The following ATXN3 variants were observed in gnomAD, a reference collection of about 807,000 sequenced individuals.
ATXN3 encodes ataxin-3.
A neutral mutation model predicts 58.2 loss-of-function variants in ATXN3; 28 were observed. The observed-to-expected ratio is 0.48, with a 90% CI of 0.36 to 0.66. ATXN3 has a LOEUF of 0.66. Ranked by LOEUF, ATXN3 falls within the 30% of genes least tolerant of loss-of-function variation. The pLI is 0.00. For synonymous variants in ATXN3, 113 were observed against 138.5 expected (o/e 0.82, Z 1.29); for missense variants, 321 against 422.1 (o/e 0.76, Z 2.10).
At chr14:92,093,900 G>A in intron 3 of ATXN3, 69 bp from the exon 4 acceptor site, 1 of 881,416 alleles carries the variant, frequency 1.1e-6, no homozygotes, top group South Asian at 1.4e-5. Flanking sequence ...GTGTAGCTAT[G>A]TTAGTTGTGT....
chr14:92,087,634 G>C (rs952833731), intron 6 of ATXN3, among the ~76,000 whole-genome samples: 1 of 152,172 alleles, frequency 6.6e-6, no homozygotes, highest in African/African-American at 2.4e-5. Flanking sequence ...GGAGAGAGGG[G>C]AAACACGTTG....
chr14:92,087,240 A>G (rs4410011), intron 6 of ATXN3, among the ~76,000 whole-genome samples: 43,002 of 152,072 alleles, frequency 0.28, 6,430 homozygotes, highest in East Asian at 0.44. Context: ...CATAGTAGAA[A>G]TATCAGACAG....
chr14:92,078,028 G>A (rs140916143), intron 9 of ATXN3, among the ~76,000 whole-genome samples: 2,995 of 148,000 alleles, frequency 0.02, 111 homozygotes, highest in African/African-American at 0.073. Flanking sequence ...AGGCTGGAGT[G>A]CAGTGGGGTG....
Position 92,094,187 on chromosome 14 carries a change from G to A in ATXN3, c.235-356C>T, listed in dbSNP as rs56177134. On this transcript the variant is annotated intron_variant, in intron 3 of 10. Coordinates refer to ENST00000644486, the MANE Select transcript of ATXN3 (RefSeq NM_004993.6). The stretch of plus-strand genomic sequence containing the variant: ...AATCTCCTGACCTTGTGATCCACCC[G>A]CCTGGGCCTCCCAAAGTACTGGGAT... Among the ~76,000 whole-genome samples, 615 of 152,040 alleles carry A rather than the reference G, an allele frequency of 4.0e-3. 6 individuals carry two copies. Among genetic ancestry groups the A allele is most frequent in the African/African-American group, 0.014 (569 of 41,478 alleles).
chr14:92,094,821 C>G (rs555646947), intron 3 of ATXN3, among the ~76,000 whole-genome samples: 6 of 152,292 alleles, frequency 3.9e-5, no homozygotes, highest in Admixed American at 2.0e-4. Context: ...TGGGCCTACT[C>G]TGGCCTCTGA....
At chr14:92,065,553 G>A (rs188811677) in intron 10 of ATXN3, among the ~76,000 whole-genome samples, 141 of 137,564 alleles carry the variant, frequency 1.0e-3, no homozygotes, top group African/African-American at 3.7e-3. Flanking sequence ...GGGCAATTGC[G>A]TCAGTGGAAC....
chr14:92,099,397 G>A (rs951126519), intron 1 of ATXN3, among the ~76,000 whole-genome samples: 3 of 152,196 alleles, frequency 2.0e-5, no homozygotes, highest in African/African-American at 4.8e-5. Context: ...TCAACTTTTC[G>A]TAAGGAATAA....
upstream of ATXN3, among the ~76,000 whole-genome samples, chr14:92,052,797 T>C (rs1388385789): frequency 6.6e-6 from 1 of 152,174 alleles, no homozygotes; most frequent in Admixed American, 6.5e-5. Context: ...AGCTTGCCTG[T>C]TCTGTTTTGG....
At chr14:92,082,649 CTT>C (rs34366039) in intron 7 of ATXN3, among the ~76,000 whole-genome samples, 183 bp from the exon 8 acceptor site, 45 of 132,850 alleles carry the variant, frequency 3.4e-4, no homozygotes, top group South Asian at 4.7e-4. Context: ...TTTTCCGTTT[CTT>C]TTTTTTTTTT....
rs1241460334 is a variant in ATXN3 at position 92,060,249 on chromosome 14, C to CACAT, written c.*4070_*4071insATGT. On this transcript the variant is annotated 3_prime_UTR_variant, in exon 11 of 11. Transcript: ENST00000644486. ...ATATATATACATATATATATACACACATATATATATATATATATATATTTT... is the reference window on the plus strand; with the variant it reads ...ATATATATACATATATATATACACACACATATATATATATATATATATATATTTT... The CACAT allele has an allele frequency of 2.5e-4, 34 of 134,556 alleles. 1 individual carries two copies. Among genetic ancestry groups the CACAT allele is most frequent in the African/African-American group, 7.8e-4 (27 of 34,726 alleles). 8.3% of individuals were successfully genotyped at this position (134,556 alleles called of 1,614,324 possible).
chr14:92,106,456 G>A, intron 1 of ATXN3, 73 bp downstream of exon 1: 3 of 1,597,972 alleles, frequency 1.9e-6, no homozygotes, highest in South Asian at 2.2e-5. Context: ...CCAGCCCTCC[G>A]AGAGGCGGTG....
At chr14:92,093,216 T>TA in intron 5 of ATXN3, 36 bp downstream of exon 5, 1 of 1,402,846 alleles carries the variant, frequency 7.1e-7, no homozygotes, top group Middle Eastern at 1.9e-4. Flanking sequence ...GGGTACAATA[T>TA]AAGAAAAAAA....
Position 92,096,279 on chromosome 14 carries a change from G to A in ATXN3, c.190-142C>T. On this transcript the variant is annotated intron_variant, in intron 2 of 10. Coordinates refer to ENST00000644486, the MANE Select transcript of ATXN3 (RefSeq NM_004993.6). Reference sequence around the variant, plus strand: ...CAGCACAGTTATAATTCACCAGTCAGATCCCTATAGGAAGAATGGCCCATC... The same window carrying A: ...CAGCACAGTTATAATTCACCAGTCAAATCCCTATAGGAAGAATGGCCCATC... The A allele has an allele frequency of 3.9e-6, 6 of 1,547,318 alleles. No individual in the cohort carries two copies. The South Asian group carries it at 7.3e-5, about 19-fold the overall frequency.
chr14:92,095,485 G>A (rs551359376), intron 3 of ATXN3, among the ~76,000 whole-genome samples: 53 of 4,404 alleles, frequency 0.012, no homozygotes, highest in Non-Finnish European at 0.017. Context: ...CTCGTGATCC[G>A]CCCACCTCGG....
At chr14:92,094,094 C>T (rs1233362618) in intron 3 of ATXN3, among the ~76,000 whole-genome samples, 2 of 151,976 alleles carry the variant, frequency 1.3e-5, no homozygotes, top group African/African-American at 4.8e-5. Flanking sequence ...AAGCACACGC[C>T]ACCACACCCA....
intron 6 of ATXN3, among the ~76,000 whole-genome samples, chr14:92,085,280 G>A (rs538033752): frequency 4.3e-4 from 65 of 151,708 alleles, no homozygotes; most frequent in African/African-American, 7.3e-4. Flanking sequence ...TCTGCCTCCC[G>A]GGTTCAAGTG....
rs529192554 is a variant in ATXN3 at position 92,068,975 on chromosome 14, T to C, written c.991+1960A>G. Among the ~76,000 whole-genome samples the C allele has an allele frequency of 8.5e-5, 13 of 152,358 alleles. No individual in the cohort carries two copies. The South Asian group carries it at 2.7e-3, about 32-fold the overall frequency. The stretch of plus-strand genomic sequence containing the variant: ...AAAAAGTACCAGTTCATTCCTTTTT[T>C]TATTCAATTGTTTGGATATACCACA... On this transcript the variant is annotated intron_variant, in intron 10 of 10. Transcript: ENST00000644486.
chr14:92,064,950 C>T (rs2058113587), intron 10 of ATXN3, among the ~76,000 whole-genome samples: 1 of 152,176 alleles, frequency 6.6e-6, no homozygotes, highest in South Asian at 2.1e-4. Context: ...AACTAAAGAT[C>T]AAACTAAAAC....
chr14:92,068,311 C>T (rs1480470916), intron 10 of ATXN3, among the ~76,000 whole-genome samples: 1 of 152,204 alleles, frequency 6.6e-6, no homozygotes, highest in African/African-American at 2.4e-5. Context: ...TTGGCCTTTG[C>T]TGACAGGGGT....
Sources: allele counts gnomAD v4.1 joint callset (sites outside exome capture counted in the v4.1 genomes callset), GRCh38; gene constraint gnomAD v4.1.1; transcripts MANE v1.5; gene names NCBI Gene and HGNC (gene_info 2026-07-23, HGNC 2026-07-21).